The following OBSL1 variants were observed in gnomAD, a reference collection of about 807,000 sequenced individuals.
The protein encoded by OBSL1 is obscurin like cytoskeletal adaptor 1.
A neutral mutation model predicts 172.0 loss-of-function variants in OBSL1; 160 were observed. The observed-to-expected ratio is 0.93, with a 90% confidence interval of 0.82 to 1.06. OBSL1 has a LOEUF of 1.06. Among genes scored for constraint, OBSL1 ranks in the 50% least tolerant of loss-of-function variants. OBSL1 has a pLI of 0.00. For missense variants in OBSL1, 2,681 were observed against 2,715.4 expected (o/e 0.99, Z 0.28); for synonymous variants, 1,200 against 1,196.3 (o/e 1.00, Z -0.06).
chr2:219,558,386 C>A lies in OBSL1; in HGVS notation c.3300G>T (p.Glu1100Asp). Residue 1100 changes from glutamate (E) to aspartate (D), a missense_variant, in exon 10 of 21, where the codon GAG becomes GAT. Around this residue, in one of 5 missense-constraint regions of OBSL1, gnomAD observed 1,765 missense variants for 1,748.3 expected, o/e 1.01. Transcript: ENST00000404537. ...CAGCTGGGGCCACCTCACAGCGCAG[C>A]TCCACGCGCCCTGGAGCCCCAAAAT... is the stretch of plus-strand genomic sequence containing the variant. ...DLHFGAPGRV[E>D]LRCEVAPAGS... 6.2e-7 allele frequency: 1 copy of A among 1,609,020 alleles called. No homozygotes were observed. The highest frequency in any genetic ancestry group is 2.2e-5 in the East Asian group (1 of 44,712).
Position 219,570,516 on chromosome 2 carries a change from C to G in OBSL1, c.717G>C (p.Glu239Asp). The G allele has an allele frequency of 5.0e-6, 8 of 1,610,658 alleles. No individual in the cohort carries two copies. Among genetic ancestry groups the G allele is most frequent in the Non-Finnish European group, 6.8e-6 (8 of 1,178,802 alleles). ...PPESPPADPD[E>D]APAPVVEPLK... ...GCGGCTCCACCACCGGCGCGGGGGC[C>G]TCGTCGGGGTCCGCGGGCGGGCTCT... is the stretch of plus-strand genomic sequence containing the variant. Residue 239 changes from glutamate to aspartate, a missense_variant, in exon 1 of 21, where the codon GAG becomes GAC. Transcript: ENST00000404537.
Position 219,568,114 on chromosome 2 carries a change from CCAT to C in OBSL1, c.1220_1222del (p.Asp407del), listed in dbSNP as rs762103326. The C allele has an allele frequency of 4.3e-6, 7 of 1,613,688 alleles. No individual in the cohort carries two copies. The highest frequency in any genetic ancestry group is 1.7e-5 in the Admixed American group (1 of 60,010). On this transcript the variant is annotated inframe_deletion, in exon 2 of 21. Transcript: ENST00000404537. The surrounding 1 kb of genome is among the most constrained non-coding windows in gnomAD (Gnocchi z 4.1). The stretch of plus-strand genomic sequence containing the variant: ...GCCCCGCATCTCGCACAGGTAGATA[CCAT>C]CATCGTCTGCCTTCAGCCTGTGGAT...
chr2:219,560,386 T>C (rs978194273), intron 8 of OBSL1, among the ~76,000 whole-genome samples: 1 of 152,222 alleles, frequency 6.6e-6, no homozygotes, highest in African/African-American at 2.4e-5. Context: ...TGCTAAATGC[T>C]GATTCTGGGA....
At position 219,552,524 on chromosome 2, in the gene OBSL1, A is replaced by T; in HGVS notation, c.5308+12T>A. Reference sequence around the variant, plus strand: ...CAGCGAGGGGCCCGAAAGGGTAACCAGGCGGGCAGACCTTCCTGTCGGATG... The same window carrying T: ...CAGCGAGGGGCCCGAAAGGGTAACCTGGCGGGCAGACCTTCCTGTCGGATG... On this transcript the variant is annotated intron_variant, in intron 18 of 20. Transcript: ENST00000404537. 1.9e-6 allele frequency: 3 copies of T among 1,592,820 alleles called. No individual in the cohort carries two copies. Among genetic ancestry groups the T allele is most frequent in the Non-Finnish European group, 2.6e-6 (3 of 1,176,112 alleles).
downstream of OBSL1, chr2:219,548,032 C>A: frequency 6.3e-7 from 1 of 1,586,804 alleles, no homozygotes; most frequent in Non-Finnish European, 8.5e-7. Context: ...GCCTGATGGG[C>A]GTTCTGGTGC....
At position 219,562,394 on chromosome 2, in the gene OBSL1, GC is replaced by G; in HGVS notation, c.2953+7del. 1 of 1,612,184 alleles carries G rather than the reference GC, an allele frequency of 6.2e-7. No individual in the cohort carries two copies. Among genetic ancestry groups the G allele is most frequent in the Non-Finnish European group, 8.5e-7 (1 of 1,178,810 alleles). ...CTGTGACCCCGGGGAGCTGGGCTGGGCCCACACCTGTGACGGTGACAGTGAA... is the reference window on the plus strand; with the variant it reads ...CTGTGACCCCGGGGAGCTGGGCTGGGCCACACCTGTGACGGTGACAGTGAA... On this transcript the variant is annotated splice_region_variant and intron_variant, in intron 8 of 20. Coordinates refer to ENST00000404537, the MANE Select transcript of OBSL1 (RefSeq NM_015311.3).
chr2:219,558,505 C>G (rs1167845534), intron 9 of OBSL1, 46 bp from the exon 10 acceptor site: 6 of 1,493,678 alleles, frequency 4.0e-6, no homozygotes, highest in Non-Finnish European at 5.4e-6. Flanking sequence ...GGCCAGCAGG[C>G]CTCTCCTGCC....
Position 219,554,737 on chromosome 2 carries a change from C to G in OBSL1, c.4613G>C (p.Arg1538Thr). Residue 1538 changes from arginine to threonine, a missense_variant, in exon 15 of 21, where the codon AGG becomes ACG. Physicochemically the swap from Arg to Thr is moderately conservative, Grantham distance 71 (BLOSUM62 -1). Around this residue, in one of 5 missense-constraint regions of OBSL1, gnomAD observed 1,765 missense variants for 1,748.3 expected, o/e 1.01. Transcript: ENST00000404537. The stretch of plus-strand genomic sequence containing the variant: ...CAGAGGCCGCAGCACCCTCAGCTGC[C>G]TCGCTGGCCGGGGGAGATGGAGAGA... ...RTLARLSVRP[R>T]QLRVLRPLED... 6.5e-7 allele frequency: 1 copy of G among 1,546,458 alleles called. No homozygotes were observed. The highest frequency in any genetic ancestry group is 2.4e-5 in the East Asian group (1 of 41,148).
At chr2:219,554,857 AC>A (rs1695884944) in intron 14 of OBSL1, 117 bp from the exon 15 acceptor site, 1 of 1,261,042 alleles carries the variant, frequency 7.9e-7, no homozygotes, top group Non-Finnish European at 1.1e-6. Flanking sequence ...TAAGGTCCTG[AC>A]CAAAAAAGTT....
chr2:219,552,460 T>C (rs927487833), intron 18 of OBSL1, 76 bp downstream of exon 18: 6 of 1,432,686 alleles, frequency 4.2e-6, no homozygotes, highest in East Asian at 2.5e-5. Context: ...GGGCGGGGCT[T>C]GTCCCGGTGG....
chr2:219,565,199 A>G lies in OBSL1; in HGVS notation c.2407+43T>C, dbSNP rs547110315. On this transcript the variant is annotated intron_variant, in intron 6 of 20. Transcript: ENST00000404537. ...AGGGCATGGCTTATGCGGCCCCACA[A>G]TCAGCCTTGGCTGGAGGAGCCCAGG... 32 of 1,557,920 alleles carry G rather than the reference A, an allele frequency of 2.1e-5. No homozygotes were observed. In the East Asian group the frequency reaches 5.8e-4, roughly 28 times the overall value.
Position 219,563,350 on chromosome 2 carries a change from C to G in OBSL1, c.2680+5G>C. 3 of 1,557,628 alleles carry G rather than the reference C, an allele frequency of 1.9e-6. No homozygotes were observed. The highest frequency in any genetic ancestry group is 2.6e-6 in the Non-Finnish European group (3 of 1,147,250). Reference sequence around the variant, plus strand: ...TGTGCCTCCGAGGCCCACCTGGCCCCCCACCTGTGATGGTGACAGTGAAGT... The same window carrying G: ...TGTGCCTCCGAGGCCCACCTGGCCCGCCACCTGTGATGGTGACAGTGAAGT... On this transcript the variant is annotated splice_donor_5th_base_variant and intron_variant, in intron 7 of 20. Transcript: ENST00000404537.
Position 219,571,001 on chromosome 2 carries a change from C to A in OBSL1, c.232G>T (p.Asp78Tyr). 7.1e-7 allele frequency: 1 copy of A among 1,413,912 alleles called. No individual in the cohort carries two copies. The highest frequency in any genetic ancestry group is 1.5e-5 in the South Asian group (1 of 68,750). 87.6% of individuals were successfully genotyped at this position (1,413,912 alleles called of 1,614,324 possible). A position where few individuals can be genotyped will look rare whatever the true frequency, so the allele number is the denominator to read the frequency against. Residue 78 changes from aspartate (D) to tyrosine (Y), a missense_variant, in exon 1 of 21, where the codon GAC becomes TAC. This residue lies in a region of OBSL1 where 67 missense variants were observed against 109.3 expected (regional missense o/e 0.61). Coordinates refer to ENST00000404537, the MANE Select transcript of OBSL1 (RefSeq NM_015311.3). ...GCGCGGCACACGTAGACCCCCGCGT[C>A]GGTGGGCAGTGCGGCGGTCAGCAGC... ...GLLLTAALPT[D>Y]AGVYVCRARN...
intron 12 of OBSL1, 104 bp downstream of exon 12, chr2:219,557,239 G>A (rs1399234228): frequency 1.8e-5 from 21 of 1,197,864 alleles, no homozygotes; most frequent in Non-Finnish European, 2.3e-5. Context: ...ACTGGTTGGA[G>A]CCAGAAGCAG....
rs1696479066 is a variant in OBSL1 at position 219,561,649 on chromosome 2, C to CTTT, written c.2953+752_2953+753insAAA. On this transcript the variant is annotated intron_variant, in intron 8 of 20. Coordinates refer to ENST00000404537, the MANE Select transcript of OBSL1 (RefSeq NM_015311.3). Reference sequence around the variant, plus strand: ...GAAGGGTGACTTTCTCCCAGGCCTCCCTGACCCTCCTGCTCTGTGCTCTTG... The same window carrying CTTT: ...GAAGGGTGACTTTCTCCCAGGCCTCCTTTCTGACCCTCCTGCTCTGTGCTCTTG... The CTTT allele has an allele frequency of 9.5e-6, 4 of 421,864 alleles. No homozygotes were observed. In the South Asian group the frequency reaches 9.5e-5, roughly 10 times the overall value. 26.1% of individuals were successfully genotyped at this position (421,864 alleles called of 1,614,324 possible).
chr2:219,548,939 C>T (rs12996466), downstream of OBSL1: 564,702 of 579,344 alleles, frequency 0.97, 276,109 homozygotes, highest in East Asian at 1. Flanking sequence ...AGCCTAGCAA[C>T]CTTCCATAAA....
intron 6 of OBSL1, 116 bp from the exon 7 acceptor site, chr2:219,563,743 T>C: frequency 8.5e-7 from 1 of 1,174,526 alleles, no homozygotes; most frequent in Non-Finnish European, 1.2e-6. Context: ...AGGGCTAAGG[T>C]CCTGCTGTGT....
chr2:219,571,188 C>T lies in OBSL1; in HGVS notation c.45G>A (p.Leu15=). ...SGDQGSPPCF[L]RFPRPVRVVS... ...CCACCCGCACAGGCCGCGGGAAGCG[C>T]AGGAAGCACGGGGGGCTCCCCTGAT... Residue 15 remains leucine, a synonymous_variant, in exon 1 of 21, where the codon CTG becomes CTA. Coordinates refer to ENST00000404537, the MANE Select transcript of OBSL1 (RefSeq NM_015311.3). The T allele has an allele frequency of 2.0e-6, 3 of 1,474,524 alleles. No homozygotes were observed. The highest frequency in any genetic ancestry group is 1.8e-4 in the Middle Eastern group (1 of 5,454). The allele number at this position is 1,474,524 out of a possible 1,614,324, so 91.3% of individuals were successfully genotyped here.
downstream of OBSL1, chr2:219,549,883 C>T (rs1559129199): frequency 6.3e-7 from 1 of 1,597,734 alleles, no homozygotes; most frequent in Admixed American, 1.7e-5. Context: ...ACTCTGCAGT[C>T]ACCAGCTCTG....
Sources: gnomAD v4.1 joint callset for allele counts (sites outside exome capture counted in the v4.1 genomes callset) on GRCh38, gnomAD v4.1.1 for gene constraint, gnomAD v4.1.1 regional missense constraint, Gnocchi (gnomAD v3.1) non-coding constraint, MANE v1.5 for transcripts, NCBI Gene and HGNC (gene_info 2026-07-23, HGNC 2026-07-21) for gene names.